The following MMP26 variants were observed in gnomAD, a reference collection of about 807,000 sequenced individuals.
MMP26 encodes the protein matrix metalloproteinase-26.
Under a neutral mutation model 31.0 loss-of-function variants are expected in MMP26, and 33 were observed. That is an observed-to-expected ratio of 1.06 (90% CI 0.81 to 1.42). MMP26 has a LOEUF of 1.42. Ranked by LOEUF, MMP26 falls within the 40% of genes most tolerant of loss-of-function variation. The pLI, the probability that MMP26 is intolerant of heterozygous loss-of-function variation, is 0.00. For synonymous variants in MMP26, 122 were observed against 114.9 expected, an observed-to-expected ratio of 1.06 and a Z score of -0.40; for missense variants, 347 against 316.1, an observed-to-expected ratio of 1.10 and a Z score of -0.74.
chr11:4,974,512 T>G (rs1250007536), intron 2 of MMP26, among the ~76,000 whole-genome samples: 1 of 152,082 alleles, frequency 6.6e-6, no homozygotes, highest in African/African-American at 2.4e-5. Context: ...ATTATGATTT[T>G]ATTGCTATTC....
intron 2 of MMP26, chr11:4,769,555 G>A: frequency 6.8e-6 from 11 of 1,613,280 alleles, no homozygotes; most frequent in Non-Finnish European, 9.3e-6. Context: ...AACGGTCAAA[G>A]GCTGTAGCCA....
At chr11:4,777,502 C>A (rs1052367760) in intron 2 of MMP26, among the ~76,000 whole-genome samples, 3 of 152,066 alleles carry the variant, frequency 2.0e-5, no homozygotes, top group Admixed American at 6.6e-5. Flanking sequence ...TCACAGTATG[C>A]AGATTACAAG....
chr11:4,971,236 G>T (rs1846661899), intron 2 of MMP26, among the ~76,000 whole-genome samples: 2 of 152,152 alleles, frequency 1.3e-5, no homozygotes, highest in Admixed American at 6.5e-5. Flanking sequence ...CTGAACTTGG[G>T]CCTCTAACTC....
At chr11:4,813,888 C>T (rs1342621624) in intron 2 of MMP26, among the ~76,000 whole-genome samples, 2 of 151,890 alleles carry the variant, frequency 1.3e-5, no homozygotes, top group African/African-American at 4.8e-5. Context: ...ACAGAGAAAA[C>T]ATTCACAATG....
At chr11:4,895,063 G>C (rs1850680440) in intron 2 of MMP26, among the ~76,000 whole-genome samples, 1 of 151,872 alleles carries the variant, frequency 6.6e-6, no homozygotes, top group African/African-American at 2.4e-5. Context: ...AATTAAAAAG[G>C]GACTAATGCA....
At chr11:4,881,935 A>C in intron 2 of MMP26, 1 of 1,613,832 alleles carries the variant, frequency 6.2e-7, no homozygotes. Flanking sequence ...CGTCTTCCTC[A>C]AACTTCCTCC....
chr11:4,830,531 T>A (rs1273694037), intron 2 of MMP26, among the ~76,000 whole-genome samples: 1 of 152,198 alleles, frequency 6.6e-6, no homozygotes, highest in East Asian at 1.9e-4. Flanking sequence ...TGAGTTACAC[T>A]GGAAGCTTGT....
intron 1 of MMP26, among the ~76,000 whole-genome samples, chr11:4,748,957 G>A (rs570310733): frequency 1.3e-5 from 2 of 151,904 alleles, no homozygotes; most frequent in Admixed American, 6.6e-5. Flanking sequence ...AATCAGGCAA[G>A]AGAAAAAATG....
intron 2 of MMP26, among the ~76,000 whole-genome samples, chr11:4,874,934 T>G (rs982447805): frequency 6.6e-6 from 1 of 152,018 alleles, no homozygotes; most frequent in East Asian, 1.9e-4. Context: ...AAGATGACAT[T>G]TATTAGAACA....
Position 4,991,429 on chromosome 11 carries a change from A to G in MMP26, c.528A>G (p.Leu176=), listed in dbSNP as rs1340561957. Residue 176 remains leucine, a synonymous_variant, in exon 6 of 8, where the codon TTA becomes TTG. Coordinates refer to ENST00000380390, the MANE Select transcript of MMP26 (RefSeq NM_021801.5). ...GPGGILGHAF[L]PNSGNPGVVH... ...GTGGTATCTTAGGCCATGCCTTTTT[A>G]CCAAATTCTGGAAATCCTGGAGTTG... The G allele has an allele frequency of 2.5e-6, 4 of 1,613,956 alleles. No individual in the cohort carries two copies. Among genetic ancestry groups the G allele is most frequent in the South Asian group, 1.1e-5 (1 of 91,040 alleles).
chr11:4,725,328 C>G (rs1848084797), intron 1 of MMP26, among the ~76,000 whole-genome samples: 2 of 152,132 alleles, frequency 1.3e-5, no homozygotes, highest in African/African-American at 4.8e-5. Context: ...TTTTTTCCTA[C>G]TAATCTGCAT....
At chr11:4,735,823 C>A (rs1255440901) in intron 1 of MMP26, among the ~76,000 whole-genome samples, 1 of 151,892 alleles carries the variant, frequency 6.6e-6, no homozygotes, top group Non-Finnish European at 1.5e-5. Flanking sequence ...ATTTAAAAAT[C>A]AAATAGAACA....
chr11:4,728,330 C>T (rs983994791), intron 1 of MMP26, among the ~76,000 whole-genome samples: 3 of 152,192 alleles, frequency 2.0e-5, no homozygotes, highest in African/African-American at 7.2e-5. Context: ...GTACTGGGTA[C>T]TGACAGCTTA....
chr11:4,988,368 CGT>C (rs369231824), intron 3 of MMP26, 58 bp downstream of exon 3: 181 of 1,307,716 alleles, frequency 1.4e-4, no homozygotes, highest in Non-Finnish European at 1.8e-4. Context: ...GCTCTTATTT[CGT>C]GTGTGTGTGT....
intron 1 of MMP26, among the ~76,000 whole-genome samples, chr11:4,717,067 C>G (rs1448760633): frequency 6.6e-6 from 1 of 152,132 alleles, no homozygotes; most frequent in Admixed American, 6.5e-5. Flanking sequence ...CTTAGAATTT[C>G]TTTCATGATG....
chr11:4,718,062 T>C (rs952274595), intron 1 of MMP26, among the ~76,000 whole-genome samples: 7 of 152,304 alleles, frequency 4.6e-5, no homozygotes, highest in African/African-American at 1.7e-4. Context: ...GAATAGACTG[T>C]ATGCTTGTCC....
intron 1 of MMP26, chr11:4,722,903 C>G (rs1040924873): frequency 6.3e-6 from 5 of 788,174 alleles, no homozygotes; most frequent in Non-Finnish European, 9.1e-6. Context: ...TGTGAGGCCC[C>G]CATAGGCCGA....
chr11:4,785,431 A>G (rs901885610), intron 2 of MMP26, among the ~76,000 whole-genome samples: 3 of 152,098 alleles, frequency 2.0e-5, no homozygotes, highest in Non-Finnish European at 2.9e-5. Flanking sequence ...TTTGATATGT[A>G]TACTTATTGT....
intron 2 of MMP26, chr11:4,847,406 G>A (rs1849887217): frequency 6.6e-6 from 1 of 152,134 alleles, no homozygotes; most frequent in Non-Finnish European, 1.5e-5. Flanking sequence ...TTTGGGGGAT[G>A]TAATTTAAGA....
Sources: gnomAD v4.1 joint callset for allele counts (sites outside exome capture counted in the v4.1 genomes callset) on GRCh38, gnomAD v4.1.1 for gene constraint, MANE v1.5 for transcripts, NCBI Gene and HGNC (gene_info 2026-07-23, HGNC 2026-07-21) for gene names.